The following MACF1 variants were observed in gnomAD, a reference collection of about 807,000 sequenced individuals.
MACF1 encodes microtubule-actin cross-linking factor 1.
In MACF1, 193 loss-of-function variants were observed where a neutral mutation model predicts 854.8. The ratio of observed to expected loss-of-function variants is 0.23; its 90% CI spans 0.20 to 0.25. The LOEUF (loss-of-function observed/expected upper bound fraction) is 0.25. MACF1 is among the 10% of genes least tolerant of loss of function. The pLI is 1.00. For synonymous variants in MACF1, 3,185 were observed against 3,226.7 expected, an observed-to-expected ratio of 0.99 and a Z score of 0.44; for missense variants, 7,722 against 8,929.1, an observed-to-expected ratio of 0.86 and a Z score of 5.45.
At chr1:39,296,064 G>C (rs148023917) in intron 20 of MACF1, among the ~76,000 whole-genome samples, 182 bp downstream of exon 20, 60 of 152,340 alleles carry the variant, frequency 3.9e-4, no homozygotes, top group African/African-American at 1.4e-3. Flanking sequence ...GCAGGGCTCA[G>C]CTAAGTGGTT....
intron 58 of MACF1, chr1:39,412,198 G>A (rs1425509313): frequency 6.2e-7 from 1 of 1,613,840 alleles, no homozygotes; most frequent in African/African-American, 1.3e-5. Context: ...GAATGGTGAG[G>A]AGTGCATTGA....
Position 39,283,173 on chromosome 1 carries a change from T to C in MACF1, c.696-16T>C, listed in dbSNP as rs1645585600. 1.3e-6 allele frequency: 2 copies of C among 1,548,906 alleles called. No homozygotes were observed. Among genetic ancestry groups the C allele is most frequent in the African/African-American group, 1.4e-5 (1 of 73,574 alleles). ...GTAGATGGTGGCGTTTCATGTGCCTTGCTGGACTTTTACAGACCCGATCTA... is the reference window on the plus strand; with the variant it reads ...GTAGATGGTGGCGTTTCATGTGCCTCGCTGGACTTTTACAGACCCGATCTA... On this transcript the variant is annotated splice_polypyrimidine_tract_variant and intron_variant, in intron 7 of 100. Coordinates refer to ENST00000564288, the MANE Select transcript of MACF1 (RefSeq NM_001394062.1). This position sits in a 1 kb window ranked among gnomAD's most constrained non-coding sequence, Gnocchi z 4.5.
In MACF1 at chr1:39,084,291, T is replaced by A; in HGVS notation, c.73T>A (p.Ser25Thr). Residue 25 changes from serine to threonine, a missense_variant, in exon 2 of 94, where the codon TCT becomes ACT. Ser to Thr is a moderately conservative substitution (Grantham distance 58). Coordinates refer to the MACF1 transcript ENST00000361689. This position sits in a 1 kb window ranked among gnomAD's most constrained non-coding sequence, Gnocchi z 5.2. ...TGAGCGGTCTTGTCGGAGTGAGCGA[T>A]CTTACAGGAGCGAGCGGTCGGGGAG... 1 of 1,614,040 alleles carries A rather than the reference T, an allele frequency of 6.2e-7. No individual in the cohort carries two copies. Among genetic ancestry groups the A allele is most frequent in the Non-Finnish European group, 8.5e-7 (1 of 1,180,012 alleles).
At chr1:39,352,514 A>G (rs1156579918) in intron 43 of MACF1, among the ~76,000 whole-genome samples, 1 of 152,112 alleles carries the variant, frequency 6.6e-6, no homozygotes, top group African/African-American at 2.4e-5. Flanking sequence ...ATATTTCTGA[A>G]TCCTAGGATT....
chr1:39,259,818 A>G (rs1174997629), intron 6 of MACF1, among the ~76,000 whole-genome samples: 2 of 151,068 alleles, frequency 1.3e-5, no homozygotes, highest in Non-Finnish European at 2.9e-5. Context: ...GGGTTTCTCC[A>G]TGTTGGTCAG....
chr1:39,460,571 T>C lies in MACF1; in HGVS notation c.21361-61T>C. The C allele has an allele frequency of 6.7e-7, 1 of 1,490,020 alleles. No homozygotes were observed. Among genetic ancestry groups the C allele is most frequent in the African/African-American group, 1.4e-5 (1 of 72,638 alleles). 92.3% of individuals were successfully genotyped at this position (1,490,020 alleles called of 1,614,324 possible). ...TGAATGTCTGAAAGTTTGGGTATGC[T>C]CTGGGCAGCTTTTGAGGGCCCAAAA... On this transcript the variant is annotated intron_variant, in intron 91 of 100. Coordinates refer to ENST00000564288, the MANE Select transcript of MACF1 (RefSeq NM_001394062.1). This position sits in a 1 kb window ranked among gnomAD's most constrained non-coding sequence, Gnocchi z 4.1.
rs189917474 is a variant in MACF1, at chr1:39,225,674, C to A, written c.110-5508C>A. Among the ~76,000 whole-genome samples, 367 of 152,184 alleles carry A rather than the reference C, an allele frequency of 2.4e-3. 3 individuals carry two copies. Among genetic ancestry groups the A allele is most frequent in the African/African-American group, 8.5e-3 (353 of 41,524 alleles). ...TGGGCTCTCTCTTGTTTGTTTATAG[C>A]CTTTGGTGGGGCTGAGATTATAAAG... On this transcript the variant is annotated intron_variant, in intron 1 of 100. Transcript: ENST00000564288.
intron 56 of MACF1, among the ~76,000 whole-genome samples, chr1:39,382,657 G>C (rs527466254): frequency 7.0e-6 from 1 of 143,210 alleles, no homozygotes; most frequent in Non-Finnish European, 1.6e-5. Context: ...TGTCCTGTCC[G>C]GACAGTAGAG....
intron 5 of MACF1, 88 bp from the exon 6 acceptor site, chr1:39,257,848 A>T: frequency 1.1e-6 from 1 of 934,744 alleles, no homozygotes; most frequent in Non-Finnish European, 1.7e-6. Flanking sequence ...AAATCAGTTT[A>T]ACTGTAAATC....
At chr1:39,114,423 A>AATT (rs1047144461) in intron 2 of MACF1, among the ~76,000 whole-genome samples, 6 of 152,050 alleles carry the variant, frequency 3.9e-5, no homozygotes, top group Admixed American at 3.3e-4. Flanking sequence ...AAGAAGTGTA[A>AATT]AAAGTCCCTA....
chr1:39,350,997 C>G lies in MACF1; in HGVS notation c.11178C>G (p.Ala3726=), dbSNP rs1557603597. The change falls in exon 43 of 101, where the codon GCC becomes GCG. Residue 3726 remains alanine, a synonymous_variant. Coordinates refer to ENST00000564288, the MANE Select transcript of MACF1 (RefSeq NM_001394062.1). ...QKELEEAVTS[A]LQQETEKSKA... is the part of the protein sequence containing the mutation. ...AACTGGAGGAAGCAGTGACCTCCGC[C>G]TTACAGCAGGAGACTGAAAAGGTAA... is the stretch of plus-strand genomic sequence containing the variant. The G allele has an allele frequency of 1.9e-6, 3 of 1,613,972 alleles. No individual in the cohort carries two copies. The highest frequency in any genetic ancestry group is 2.2e-5 in the East Asian group (1 of 44,882).
chr1:39,385,399 C>G (rs936676344), intron 56 of MACF1, 35 bp from the exon 57 acceptor site: 9 of 1,599,204 alleles, frequency 5.6e-6, no homozygotes, highest in Non-Finnish European at 7.7e-6. Context: ...CTGTTTTTTT[C>G]CTGTCTAAAC....
chr1:39,085,525 G>C (rs573338112), intron 2 of MACF1, among the ~76,000 whole-genome samples: 52 of 152,222 alleles, frequency 3.4e-4, no homozygotes, highest in African/African-American at 1.3e-3. Flanking sequence ...CTTCCAATGA[G>C]CATTTAATAG....
intron 18 of MACF1, among the ~76,000 whole-genome samples, 164 bp downstream of exon 18, chr1:39,293,783 A>T (rs1409678690): frequency 6.6e-6 from 1 of 151,932 alleles, no homozygotes; most frequent in African/African-American, 2.4e-5. Flanking sequence ...AAATGGAGAG[A>T]GGGACAGTAG....
intron 2 of MACF1, among the ~76,000 whole-genome samples, chr1:39,242,316 C>A (rs1034800418): frequency 2.7e-5 from 4 of 150,826 alleles, no homozygotes; most frequent in Non-Finnish European, 4.4e-5. Flanking sequence ...CACCACTGCA[C>A]GCCAGCCTGA....
rs959105680 is a variant in MACF1 at position 39,412,427 on chromosome 1, C to A, written c.15817-9947C>A. On this transcript the variant is annotated intron_variant, in intron 58 of 100. Coordinates refer to ENST00000564288, the MANE Select transcript of MACF1 (RefSeq NM_001394062.1). ...AAAGTTTGTGATGAGGATGGTGAGGCAAAAGAGCTGGATTATCAAGCCACA... is the reference window on the plus strand; with the variant it reads ...AAAGTTTGTGATGAGGATGGTGAGGAAAAAGAGCTGGATTATCAAGCCACA... 2.5e-6 allele frequency: 4 copies of A among 1,613,832 alleles called. No homozygotes were observed. In the Admixed American group the frequency reaches 6.7e-5, roughly 27 times the overall value.
At chr1:39,170,061 G>T (rs531315214) in intron 2 of MACF1, among the ~76,000 whole-genome samples, 5 of 150,974 alleles carry the variant, frequency 3.3e-5, no homozygotes, top group African/African-American at 1.2e-4. Context: ...GATTACAGGC[G>T]TGAGCCACCG....
At chr1:39,360,269 G>A (rs1648068493) in intron 47 of MACF1, among the ~76,000 whole-genome samples, 1 of 151,370 alleles carries the variant, frequency 6.6e-6, no homozygotes, top group African/African-American at 2.4e-5. Flanking sequence ...TGGGCTTCTC[G>A]AGGACAGTAC....
At chr1:39,165,802 G>T (rs1031993143) in intron 2 of MACF1, among the ~76,000 whole-genome samples, 1 of 152,154 alleles carries the variant, frequency 6.6e-6, no homozygotes, top group Non-Finnish European at 1.5e-5. Context: ...AGCATCTTTT[G>T]CTCATTGTGG....
Sources: allele counts gnomAD v4.1 joint callset (sites outside exome capture counted in the v4.1 genomes callset), GRCh38; gene constraint gnomAD v4.1.1; non-coding constraint Gnocchi (gnomAD v3.1); transcripts MANE v1.5; gene names NCBI Gene and HGNC (gene_info 2026-07-23, HGNC 2026-07-21).